SLC25A20: variants seen among roughly 807,000 people sequenced by gnomAD.
SLC25A20 encodes mitochondrial carnitine/acylcarnitine carrier protein.
SLC25A20 carries 29 observed loss-of-function variants against 39.7 expected under a neutral mutation model. That is an observed-to-expected ratio of 0.73 (90% CI 0.54 to 1.00). SLC25A20 has a LOEUF of 1.00. Ranked by LOEUF, SLC25A20 falls within the 50% of genes least tolerant of loss-of-function variation. SLC25A20 has a pLI of 0.00. For synonymous variants in SLC25A20, 103 were observed against 142.2 expected (o/e 0.72, Z 1.96); for missense variants, 333 against 379.9 (o/e 0.88, Z 1.03).
rs28839306 is a variant in SLC25A20 at position 48,860,479 on chromosome 3, C to T, written c.536-852G>A. Among the ~76,000 whole-genome samples, 55 of 151,728 alleles carry T rather than the reference C, an allele frequency of 3.6e-4. No homozygotes were observed. The East Asian group carries it at 9.7e-3, about 27-fold the overall frequency. On this transcript the variant is annotated intron_variant, in intron 5 of 8. Transcript: ENST00000319017. ...AATTAGCCGGGCATGGTGGTGCATG[C>T]CTGTAGTCCCAGCTACTCAGGAGAC...
intron 2 of SLC25A20, among the ~76,000 whole-genome samples, chr3:48,884,567 C>T (rs2083817617): frequency 6.6e-6 from 1 of 152,074 alleles, no homozygotes; most frequent in Non-Finnish European, 1.5e-5. Context: ...CCAAGCTGGT[C>T]TCGAACTCCT....
Position 48,865,185 on chromosome 3 carries a change from T to C in SLC25A20, c.418-2526A>G, listed in dbSNP as rs1432066816. Among the ~76,000 whole-genome samples, 9 of 151,618 alleles carry C rather than the reference T, an allele frequency of 5.9e-5. No individual in the cohort carries two copies. The South Asian group carries it at 1.9e-3, about 32-fold the overall frequency. ...GCTCTGTCACCAGGCTGGGGTGCAG[T>C]AGTGCAATCTCAGCTCACTGCAACC... On this transcript the variant is annotated intron_variant, in intron 4 of 8. Transcript: ENST00000319017.
intron 4 of SLC25A20, among the ~76,000 whole-genome samples, chr3:48,866,313 G>A (rs1191635543): frequency 2.0e-5 from 3 of 152,042 alleles, no homozygotes; most frequent in Non-Finnish European, 4.4e-5. Context: ...CAGCACTTTG[G>A]GAGGCCAAGG....
chr3:48,898,876 A>G lies in SLC25A20; in HGVS notation c.-82T>C. On this transcript the variant is annotated 5_prime_UTR_variant, in exon 1 of 9. Coordinates refer to ENST00000319017, the MANE Select transcript of SLC25A20 (RefSeq NM_000387.6). ...CCCAGCTGCAGTGCCGGCGCCGCCG[A>G]CCTTTCACCCACTTTTGGGTGGGCG... The G allele has an allele frequency of 1.4e-6, 2 of 1,390,864 alleles. No individual in the cohort carries two copies. The highest frequency in any genetic ancestry group is 2.0e-6 in the Non-Finnish European group (2 of 1,002,126). 86.2% of individuals were successfully genotyped at this position (1,390,864 alleles called of 1,614,324 possible). A position where few individuals can be genotyped will look rare whatever the true frequency, so the allele number is the denominator to read the frequency against.
At chr3:48,896,512 T>A (rs1254963656) in intron 1 of SLC25A20, among the ~76,000 whole-genome samples, 1 of 151,758 alleles carries the variant, frequency 6.6e-6, no homozygotes, top group Non-Finnish European at 1.5e-5. Context: ...TGTTTTGTTT[T>A]GTTTTGTTTT....
At chr3:48,897,442 A>G (rs2083918669) in intron 1 of SLC25A20, among the ~76,000 whole-genome samples, 1 of 149,200 alleles carries the variant, frequency 6.7e-6, no homozygotes, top group South Asian at 2.1e-4. Context: ...ATGGACCAAG[A>G]GCAGGAAGAA....
At chr3:48,858,712 C>CA (rs2083599691) in intron 7 of SLC25A20, 81 bp from the exon 8 acceptor site, 1 of 1,575,288 alleles carries the variant, frequency 6.3e-7, no homozygotes, top group Admixed American at 1.7e-5. Flanking sequence ...AGGACTAGCA[C>CA]AGGGAAAGGA....
chr3:48,885,628 C>A (rs1172615701), intron 2 of SLC25A20, among the ~76,000 whole-genome samples: 1 of 152,040 alleles, frequency 6.6e-6, no homozygotes, highest in Non-Finnish European at 1.5e-5. Flanking sequence ...CATGGTGAAA[C>A]CCCGCCTCTA....
At chr3:48,885,632 G>A (rs1474466238) in intron 2 of SLC25A20, among the ~76,000 whole-genome samples, 1 of 151,896 alleles carries the variant, frequency 6.6e-6, no homozygotes, top group Non-Finnish European at 1.5e-5. Context: ...GTGAAACCCC[G>A]CCTCTACTAA....
intron 1 of SLC25A20, among the ~76,000 whole-genome samples, chr3:48,897,482 T>C (rs956591259): frequency 3.3e-5 from 5 of 150,968 alleles, no homozygotes; most frequent in Non-Finnish European, 7.4e-5. Context: ...CAGTAGACAG[T>C]GCCGCTTGGA....
Position 48,898,786 on chromosome 3 carries a change from G to C in SLC25A20, c.9C>G (p.Asp3Glu). The C allele has an allele frequency of 6.4e-7, 1 of 1,573,578 alleles. No homozygotes were observed. Among genetic ancestry groups the C allele is most frequent in the Non-Finnish European group, 8.6e-7 (1 of 1,159,796 alleles). The change falls in exon 1 of 9, where the codon GAC becomes GAG. Residue 3 changes from aspartate (D) to glutamate (E), a missense_variant. Asp to Glu is a conservative substitution (Grantham distance 45). Transcript: ENST00000319017. ...TGAGCGGGCTGATGGGTTTTGGCTG[G>C]TCGGCCATGGTCAGTCCGTCTGTCA... The part of the protein sequence containing the change: MA[D>E]QPKPISPLKN...
chr3:48,863,058 G>A (rs1027337589), intron 4 of SLC25A20, among the ~76,000 whole-genome samples: 1 of 152,064 alleles, frequency 6.6e-6, no homozygotes, highest in African/African-American at 2.4e-5. Flanking sequence ...TGGGCATGGT[G>A]GTGGGCGCCT....
At chr3:48,898,610 GTCCGCGCCTCGCGGGGGACCATGCTT>G in intron 1 of SLC25A20, 54 bp downstream of exon 1, 3 of 1,310,388 alleles carry the variant, frequency 2.3e-6, no homozygotes, top group Non-Finnish European at 2.2e-6. Context: ...TCTGCCCAGC[GTCCGCGCCTCGCGGGGGACCATGCTT>G]TCCGCGCCCC....
At chr3:48,895,376 A>G (rs1466814473) in intron 1 of SLC25A20, among the ~76,000 whole-genome samples, 1 of 152,208 alleles carries the variant, frequency 6.6e-6, no homozygotes, top group Non-Finnish European at 1.5e-5. Context: ...TCCCAACCTC[A>G]GGTGATCTGC....
At chr3:48,881,004 C>G (rs1288307777) in intron 3 of SLC25A20, among the ~76,000 whole-genome samples, 1 of 152,198 alleles carries the variant, frequency 6.6e-6, no homozygotes, top group African/African-American at 2.4e-5. Context: ...TCCTAAGCTT[C>G]GGTGCACTCT....
chr3:48,860,908 A>G (rs1484508886), intron 5 of SLC25A20, among the ~76,000 whole-genome samples: 5 of 144,392 alleles, frequency 3.5e-5, no homozygotes, highest in African/African-American at 1.3e-4. Context: ...ATCTCGGCTC[A>G]CTGCAACCTC....
chr3:48,882,489 A>G (rs1296734352), intron 3 of SLC25A20, among the ~76,000 whole-genome samples: 1 of 152,180 alleles, frequency 6.6e-6, no homozygotes, highest in African/African-American at 2.4e-5. Context: ...ATATTTAAGC[A>G]TTCAGACCTC....
chr3:48,886,045 T>C (rs762151860), intron 2 of SLC25A20, among the ~76,000 whole-genome samples: 1 of 152,114 alleles, frequency 6.6e-6, no homozygotes, highest in African/African-American at 2.4e-5. Context: ...TCATACTTCA[T>C]ACTTACTTAA....
rs1279591609 is a variant in SLC25A20, at chr3:48,857,526, A to C, written c.*184T>G. 6.5e-6 allele frequency: 4 copies of C among 619,054 alleles called. No individual in the cohort carries two copies. The allele number at this position is 619,054 out of a possible 1,614,324, so 38.3% of individuals were successfully genotyped here. ...AAGAATGAATTCAAGTTTCAAAATG[A>C]CACACTAAGTTATACACGGTGCAGG... On this transcript the variant is annotated 3_prime_UTR_variant, in exon 9 of 9. Transcript: ENST00000319017.
Sources: allele counts gnomAD v4.1 joint callset (sites outside exome capture counted in the v4.1 genomes callset), GRCh38; gene constraint gnomAD v4.1.1; transcripts MANE v1.5; gene names NCBI Gene and HGNC (gene_info 2026-07-23, HGNC 2026-07-21).